Variants in BICD1 observed in about 807,000 individuals in gnomAD.
BICD1 encodes the protein BICD cargo adaptor 1.
A neutral mutation model predicts 92.5 loss-of-function variants in BICD1; 35 were observed. That is an observed-to-expected ratio of 0.38 (90% CI 0.29 to 0.50). The LOEUF (loss-of-function observed/expected upper bound fraction) is 0.50, where lower values mean the gene tolerates loss of function less well. Among genes scored for constraint, BICD1 ranks in the 20% least tolerant of loss-of-function variants. BICD1 has a pLI of 0.93. For missense variants in BICD1, 950 were observed against 1,189.8 expected, an observed-to-expected ratio of 0.80 and a Z score of 2.97; for synonymous variants, 429 against 465.1, an observed-to-expected ratio of 0.92 and a Z score of 1.00.
chr12:32,230,069 T>G (rs1945828526), intron 2 of BICD1, among the ~76,000 whole-genome samples: 1 of 152,144 alleles, frequency 6.6e-6, no homozygotes, highest in African/African-American at 2.4e-5. Context: ...CAAGTCCTCT[T>G]CAGTCTGCTT....
chr12:32,322,808 T>C (rs1219653584), intron 4 of BICD1, among the ~76,000 whole-genome samples: 1 of 152,250 alleles, frequency 6.6e-6, no homozygotes, highest in Non-Finnish European at 1.5e-5. Context: ...TTATTCATCA[T>C]AACACTTTTG....
At chr12:32,176,895 T>C (rs1944104715) in intron 1 of BICD1, among the ~76,000 whole-genome samples, 1 of 152,062 alleles carries the variant, frequency 6.6e-6, no homozygotes, top group Non-Finnish European at 1.5e-5. Flanking sequence ...ACCAGTCTTT[T>C]TGTGGACATG....
At chr12:32,194,466 C>A (rs1181772456) in intron 1 of BICD1, among the ~76,000 whole-genome samples, 1 of 152,136 alleles carries the variant, frequency 6.6e-6, no homozygotes, top group Non-Finnish European at 1.5e-5. Flanking sequence ...ACAGTTAGAA[C>A]TAATAAATGA....
At chr12:32,153,346 T>G (rs1375493415) in intron 1 of BICD1, among the ~76,000 whole-genome samples, 2 of 152,214 alleles carry the variant, frequency 1.3e-5, no homozygotes, top group African/African-American at 4.8e-5. Context: ...TTCTGTGTCT[T>G]TGCTATTGTG....
rs112590857 is a variant in BICD1 at position 32,329,191 on chromosome 12, G to T, written c.2100+636G>T. On this transcript the variant is annotated intron_variant, in intron 5 of 9. Coordinates refer to ENST00000652176, the MANE Select transcript of BICD1 (RefSeq NM_001714.4). Reference sequence around the variant, plus strand: ...GCCATCTCTGCTCACTGCAACCTCCGCCTCCTGGGTTCAAGCGATTCTCAT... The same window carrying T: ...GCCATCTCTGCTCACTGCAACCTCCTCCTCCTGGGTTCAAGCGATTCTCAT... Among the ~76,000 whole-genome samples, 7 of 152,110 alleles carry T rather than the reference G, an allele frequency of 4.6e-5. No homozygotes were observed. The South Asian group carries it at 1.5e-3, about 32-fold the overall frequency.
intron 1 of BICD1, among the ~76,000 whole-genome samples, chr12:32,193,346 G>A (rs12831153): frequency 0.42 from 63,143 of 151,922 alleles, 13,646 homozygotes; most frequent in Non-Finnish European, 0.48. Flanking sequence ...GTATTTTTAA[G>A]GTATGTACAT....
At chr12:32,130,725 T>G (rs1417503154) in intron 1 of BICD1, among the ~76,000 whole-genome samples, 1 of 152,164 alleles carries the variant, frequency 6.6e-6, no homozygotes, top group African/African-American at 2.4e-5. Context: ...TAGACCCTGT[T>G]TGAGCATAGA....
intron 1 of BICD1, among the ~76,000 whole-genome samples, chr12:32,122,393 G>T (rs965279380): frequency 4.0e-5 from 6 of 151,860 alleles, no homozygotes; most frequent in African/African-American, 1.5e-4. Context: ...GGAGGCTGAG[G>T]CAGGAGAATG....
At chr12:32,228,835 A>T (rs1016816981) in intron 2 of BICD1, among the ~76,000 whole-genome samples, 8 of 152,188 alleles carry the variant, frequency 5.3e-5, no homozygotes, top group Admixed American at 6.6e-5. Flanking sequence ...GAAGGTCAGA[A>T]GTTCAGTTTC....
At chr12:32,305,498 A>T (rs114651143) in intron 3 of BICD1, among the ~76,000 whole-genome samples, 199 bp from the exon 4 acceptor site, 1,953 of 151,472 alleles carry the variant, frequency 0.013, 38 homozygotes, top group African/African-American at 0.042. Context: ...ATACCTAATT[A>T]TATATTTTAT....
At chr12:32,297,826 A>G (rs764120287) in intron 3 of BICD1, among the ~76,000 whole-genome samples, 19 of 133,514 alleles carry the variant, frequency 1.4e-4, no homozygotes, top group Non-Finnish European at 2.8e-4. Flanking sequence ...ATTTCCTTCC[A>G]TTAACATATA....
intron 2 of BICD1, among the ~76,000 whole-genome samples, chr12:32,264,117 G>A (rs1474591293): frequency 6.6e-6 from 1 of 152,150 alleles, no homozygotes; most frequent in Non-Finnish European, 1.5e-5. Flanking sequence ...CAATTTATTT[G>A]TCTATAAAAT....
intron 2 of BICD1, among the ~76,000 whole-genome samples, chr12:32,234,675 T>C (rs1388615103): frequency 3.4e-4 from 50 of 147,484 alleles, no homozygotes; most frequent in East Asian, 5.8e-4. Flanking sequence ...TTCTTTCTTT[T>C]TTTTTTTTTT....
At position 32,295,601 on chromosome 12, in the gene BICD1, G is replaced by T. The variant is rs551974734; in HGVS notation, c.579+1455G>T. The stretch of plus-strand genomic sequence containing the variant: ...TAGATATAAGGGTTAAGAGGGAAAA[G>T]AAAAAAAATCCAGAAGAGAAAAATC... On this transcript the variant is annotated intron_variant, in intron 3 of 9. Transcript: ENST00000652176. 1.8e-4 allele frequency among the ~76,000 whole-genome samples: 27 copies of T among 147,672 alleles called. No individual in the cohort carries two copies. In the South Asian group the frequency reaches 5.7e-3, roughly 31 times the overall value.
chr12:32,118,739 A>G (rs923205604), intron 1 of BICD1, among the ~76,000 whole-genome samples: 2 of 152,194 alleles, frequency 1.3e-5, no homozygotes, highest in Admixed American at 1.3e-4. Context: ...ACCCAGACTG[A>G]GGGATGACTG....
chr12:32,132,771 A>C (rs73087779), intron 1 of BICD1, among the ~76,000 whole-genome samples: 2,787 of 152,262 alleles, frequency 0.018, 34 homozygotes, highest in Non-Finnish European at 0.028. Flanking sequence ...ATTTTATTTT[A>C]AGCCGCCTGA....
At chr12:32,200,187 C>A (rs1052139648) in intron 1 of BICD1, among the ~76,000 whole-genome samples, 2 of 152,184 alleles carry the variant, frequency 1.3e-5, no homozygotes, top group Non-Finnish European at 2.9e-5. Context: ...TGGCTTCCAT[C>A]CACTTCTGCT....
At chr12:32,121,755 G>C (rs1942157858) in intron 1 of BICD1, among the ~76,000 whole-genome samples, 1 of 150,962 alleles carries the variant, frequency 6.6e-6, no homozygotes, top group African/African-American at 2.4e-5. Flanking sequence ...AACAAACAAA[G>C]AAAACCTACG....
At chr12:32,334,827 C>T (rs1938034945) in intron 6 of BICD1, among the ~76,000 whole-genome samples, 160 bp downstream of exon 6, 1 of 152,188 alleles carries the variant, frequency 6.6e-6, no homozygotes, top group South Asian at 2.1e-4. Context: ...TATCTAAAAG[C>T]AAGCCTTCTG....
Sources: allele counts gnomAD v4.1 joint callset (sites outside exome capture counted in the v4.1 genomes callset), GRCh38; gene constraint gnomAD v4.1.1; transcripts MANE v1.5; gene names NCBI Gene and HGNC (gene_info 2026-07-23, HGNC 2026-07-21).